Variants in SGCD observed in about 807,000 individuals in gnomAD.
SGCD encodes sarcoglycan delta.
Under a neutral mutation model 36.6 loss-of-function variants are expected in SGCD, and 18 were observed. That is an observed-to-expected ratio of 0.49 (90% CI 0.34 to 0.73). The LOEUF is 0.73. Among genes scored for constraint, SGCD ranks in the 30% least tolerant of loss-of-function variants. The probability of loss-of-function intolerance (pLI) is 0.01; values close to 1 mark genes in which losing one functional copy is unlikely to be tolerated. For missense variants in SGCD, 387 were observed against 346.7 expected (o/e 1.12, Z -0.92); for synonymous variants, 133 against 130.6 (o/e 1.02, Z -0.12).
intron 4 of SGCD, among the ~76,000 whole-genome samples, chr5:156,533,030 T>C (rs111587993): frequency 6.6e-6 from 1 of 152,154 alleles, no homozygotes; most frequent in African/African-American, 2.4e-5. Context: ...TGCCATCTTA[T>C]CTTGGAGAAG....
the SGCD span, among the ~76,000 whole-genome samples, chr5:155,841,731 G>T: frequency 6.6e-6 from 1 of 152,026 alleles, no homozygotes; most frequent in Non-Finnish European, 1.5e-5. Flanking sequence ...TATAGGTTTT[G>T]TAGGGAAACT....
chr5:155,805,256 A>G, the SGCD span, among the ~76,000 whole-genome samples: 1 of 152,264 alleles, frequency 6.6e-6, no homozygotes, highest in East Asian at 1.9e-4. Flanking sequence ...ACTTCTATAG[A>G]TATCTGTTAT....
intron 3 of SGCD, among the ~76,000 whole-genome samples, chr5:156,319,315 C>G (rs1245432147): frequency 6.6e-6 from 1 of 152,148 alleles, no homozygotes; most frequent in Non-Finnish European, 1.5e-5. Flanking sequence ...TGTTTTTCTT[C>G]AATTCATTCC....
intron 4 of SGCD, among the ~76,000 whole-genome samples, chr5:156,510,191 G>T (rs1188304988): frequency 6.6e-6 from 1 of 152,150 alleles, no homozygotes; most frequent in Non-Finnish European, 1.5e-5. Flanking sequence ...GCCATACAAT[G>T]ATTATTTATA....
At chr5:156,691,707 A>G (rs941028849) in intron 7 of SGCD, among the ~76,000 whole-genome samples, 5 of 152,366 alleles carry the variant, frequency 3.3e-5, no homozygotes, top group Non-Finnish European at 2.9e-5. Context: ...TGCCATGCAA[A>G]AACAGATGAC....
chr5:156,373,399 T>C (rs759392588), intron 3 of SGCD, among the ~76,000 whole-genome samples: 1 of 152,218 alleles, frequency 6.6e-6, no homozygotes, highest in African/African-American at 2.4e-5. Context: ...AAGCGTTACC[T>C]TTAATCACTT....
At chr5:156,015,454 A>G (rs1315982629) in intron 1 of SGCD, among the ~76,000 whole-genome samples, 1 of 151,934 alleles carries the variant, frequency 6.6e-6, no homozygotes, top group African/African-American at 2.4e-5. Flanking sequence ...ATATATATGT[A>G]TATATTTATA....
intron 3 of SGCD, among the ~76,000 whole-genome samples, chr5:156,466,034 A>G (rs1415164077): frequency 6.6e-6 from 1 of 152,220 alleles, no homozygotes; most frequent in Non-Finnish European, 1.5e-5. Flanking sequence ...AATATCTTTC[A>G]AATCTCTCAT....
chr5:155,738,959 GAGAA>G, the SGCD span, among the ~76,000 whole-genome samples: 2 of 152,062 alleles, frequency 1.3e-5, no homozygotes, highest in African/African-American at 2.4e-5. Context: ...GAAAGAGAGA[GAGAA>G]AGAGAGAAAA....
At chr5:156,229,312 T>G (rs1358630232) in intron 3 of SGCD, among the ~76,000 whole-genome samples, 25 of 12,032 alleles carry the variant, frequency 2.1e-3, no homozygotes, top group Admixed American at 0.018. Flanking sequence ...AATTAGTTCT[T>G]CCATTGGTTC....
intron 3 of SGCD, among the ~76,000 whole-genome samples, chr5:156,460,700 T>C (rs1282042488): frequency 6.6e-6 from 1 of 152,150 alleles, no homozygotes. Flanking sequence ...AAGGGGTGAC[T>C]CACTCTAGTA....
At chr5:156,580,546 T>G (rs1452218809) in intron 4 of SGCD, among the ~76,000 whole-genome samples, 1 of 152,266 alleles carries the variant, frequency 6.6e-6, no homozygotes, top group African/African-American at 2.4e-5. Context: ...CAATGAAACG[T>G]AGATTTGGTC....
rs545354909 is a variant in SGCD, at chr5:156,360,399, C to G, written c.192+15722C>G. 2.1e-4 allele frequency among the ~76,000 whole-genome samples: 32 copies of G among 152,218 alleles called. No homozygotes were observed. In the East Asian group the frequency reaches 5.6e-3, roughly 27 times the overall value. On this transcript the variant is annotated intron_variant, in intron 3 of 8. Coordinates refer to ENST00000337851, the MANE Select transcript of SGCD (RefSeq NM_000337.6). The stretch of plus-strand genomic sequence containing the variant: ...AGTAGCTGGGATTACAGGCACCTGC[C>G]ACCATGCCTGGCTAATTTTTGTATT...
chr5:156,505,429 C>T (rs1369845069), intron 3 of SGCD, among the ~76,000 whole-genome samples: 1 of 152,214 alleles, frequency 6.6e-6, no homozygotes, highest in Non-Finnish European at 1.5e-5. Flanking sequence ...GGTCATTCAA[C>T]CCCCTGTGTG....
At chr5:156,485,282 G>GA (rs1329609994) in intron 3 of SGCD, among the ~76,000 whole-genome samples, 1 of 152,094 alleles carries the variant, frequency 6.6e-6, no homozygotes, top group Admixed American at 6.5e-5. Flanking sequence ...CAGAATGTAG[G>GA]AAAAAACTAT....
intron 1 of SGCD, among the ~76,000 whole-genome samples, chr5:155,988,845 A>G (rs976752720): frequency 5.3e-5 from 8 of 152,226 alleles, no homozygotes; most frequent in Non-Finnish European, 1.2e-4. Context: ...TGACCAGAAC[A>G]CTGGAAACAT....
chr5:156,409,040 G>A (rs61422788), intron 3 of SGCD, among the ~76,000 whole-genome samples: 24,177 of 152,148 alleles, frequency 0.16, 2,231 homozygotes, highest in South Asian at 0.23. Context: ...AATAAAAAAT[G>A]CTTACAAAAA....
At chr5:155,960,445 C>T (rs1255799155) in intron 1 of SGCD, among the ~76,000 whole-genome samples, 2 of 152,200 alleles carry the variant, frequency 1.3e-5, no homozygotes, top group South Asian at 2.1e-4. Context: ...GAGCTCAGGC[C>T]TGTATCTTTC....
intron 3 of SGCD, among the ~76,000 whole-genome samples, chr5:156,260,406 TA>T (rs1368452321): frequency 1.4e-4 from 21 of 152,180 alleles, no homozygotes; most frequent in Non-Finnish European, 2.1e-4. Context: ...TAGGTCTTAC[TA>T]ATTTTACTAA....
Sources: gnomAD v4.1 joint callset for allele counts (sites outside exome capture counted in the v4.1 genomes callset) on GRCh38, gnomAD v4.1.1 for gene constraint, MANE v1.5 for transcripts, NCBI Gene and HGNC (gene_info 2026-07-23, HGNC 2026-07-21) for gene names.